XYLT2: variants seen among roughly 807,000 people sequenced by gnomAD.
XYLT2 encodes xylosyltransferase 2.
XYLT2 carries 37 observed loss-of-function variants against 82.6 expected under a neutral mutation model. The ratio of observed to expected loss-of-function variants is 0.45; its 90% CI spans 0.34 to 0.59. XYLT2 has a LOEUF of 0.59. XYLT2 is among the 20% of genes least tolerant of loss of function. XYLT2 has a pLI of 0.01. For synonymous variants in XYLT2, 474 were observed against 499.0 expected (o/e 0.95, Z 0.67); for missense variants, 934 against 1,181.3 (o/e 0.79, Z 3.07).
intron 8 of XYLT2, 69 bp from the exon 9 acceptor site, chr17:50,356,988 C>A: frequency 6.6e-7 from 1 of 1,521,826 alleles, no homozygotes; most frequent in Non-Finnish European, 8.8e-7. Context: ...CCCAGAGCCC[C>A]CTCCCTGGGA....
Position 50,355,925 on chromosome 17 carries a change from T to C in XYLT2, c.1233T>C (p.Tyr411=). ...TGCTGACACGCAGCTTTGTGGAGTA[T>C]GTGGTGTACACAGATGACCCGCTTG... is the stretch of plus-strand genomic sequence containing the variant. ...WFVLTRSFVE[Y]VVYTDDPLVA... is the part of the protein sequence containing the mutation. The change falls in exon 6 of 11, where the codon TAT becomes TAC. Residue 411 remains tyrosine, a synonymous_variant. Coordinates refer to ENST00000017003, the MANE Select transcript of XYLT2 (RefSeq NM_022167.4). 1 of 1,614,240 alleles carries C rather than the reference T, an allele frequency of 6.2e-7. No homozygotes were observed. The highest frequency in any genetic ancestry group is 8.5e-7 in the Non-Finnish European group (1 of 1,180,034).
intron 10 of XYLT2, chr17:50,358,857 T>A: frequency 3.8e-6 from 1 of 261,546 alleles, no homozygotes; most frequent in Non-Finnish European, 7.4e-6. Context: ...AGTACACCTA[T>A]CAGGGACCTC....
Position 50,354,951 on chromosome 17 carries a change from C to A in XYLT2, c.902C>A (p.Ala301Asp). Residue 301 changes from alanine to aspartate, a missense_variant, in exon 4 of 11, where the codon GCC becomes GAC. Physicochemically the swap from Ala to Asp is moderately radical, Grantham distance 126. Around this residue, in one of 3 missense-constraint regions of XYLT2, gnomAD observed 189 missense variants for 320.8 expected, o/e 0.59. Coordinates refer to ENST00000017003, the MANE Select transcript of XYLT2 (RefSeq NM_022167.4). ...PWRMVTIWGG[A>D]SLLRMYLRSM... ...CGCATGGTTACCATCTGGGGCGGGG[C>A]CAGCCTCCTGAGGATGTACCTGCGG... 1 of 1,591,064 alleles carries A rather than the reference C, an allele frequency of 6.3e-7. No homozygotes were observed. The highest frequency in any genetic ancestry group is 8.6e-7 in the Non-Finnish European group (1 of 1,168,302).
At chr17:50,350,982 G>C (rs1264367178) in intron 1 of XYLT2, among the ~76,000 whole-genome samples, 1 of 152,128 alleles carries the variant, frequency 6.6e-6, no homozygotes, top group Non-Finnish European at 1.5e-5. Flanking sequence ...AGGAGAGTGA[G>C]CATGACAAAT....
intron 3 of XYLT2, 86 bp from the exon 4 acceptor site, chr17:50,354,768 C>A: frequency 6.3e-7 from 1 of 1,582,174 alleles, no homozygotes; most frequent in Non-Finnish European, 8.6e-7. Context: ...GTGCTTTCCT[C>A]GTCTTGTGTC....
chr17:50,359,885 G>T, intron 10 of XYLT2, 84 bp from the exon 11 acceptor site: 1 of 1,249,592 alleles, frequency 8.0e-7, no homozygotes. Flanking sequence ...GACAGGAACT[G>T]GGGTACCCAG....
Position 50,346,162 on chromosome 17 carries a change from C to G in XYLT2, c.22C>G (p.Gln8Glu). Residue 8 changes from glutamine (Q) to glutamate (E), a missense_variant, in exon 1 of 11, where the codon CAG becomes GAG. Physicochemically the swap from Gln to Glu is conservative, Grantham distance 29. Transcript: ENST00000017003. This position sits in a 1 kb window ranked among gnomAD's most constrained non-coding sequence, Gnocchi z 5.1. ...GAAGATGGTGGCGAGCGCGCGAGTG[C>G]AGAAGCTGGTGCGGCGCTACAAGCT... is the stretch of plus-strand genomic sequence containing the variant. MVASARV[Q>E]KLVRRYKLAI... The G allele has an allele frequency of 7.8e-7, 1 of 1,280,836 alleles. No homozygotes were observed. The highest frequency in any genetic ancestry group is 1.5e-5 in the South Asian group (1 of 67,078). The allele number at this position is 1,280,836 out of a possible 1,614,324, so 79.3% of individuals were successfully genotyped here.
At chr17:50,352,427 C>T (rs748512451) in intron 1 of XYLT2, among the ~76,000 whole-genome samples, 2 of 152,228 alleles carry the variant, frequency 1.3e-5, no homozygotes, top group Admixed American at 1.3e-4. Flanking sequence ...GCTGACATGT[C>T]TCTCATCAAG....
Position 50,352,759 on chromosome 17 carries a change from A to G in XYLT2, c.136-871A>G, listed in dbSNP as rs571312078. ...CCCTTCAAGGAAGAACCTGCTGCACATGCAGCGAGGTGACAGCCTCCAGCT... is the reference window on the plus strand; with the variant it reads ...CCCTTCAAGGAAGAACCTGCTGCACGTGCAGCGAGGTGACAGCCTCCAGCT... On this transcript the variant is annotated intron_variant, in intron 1 of 10. Coordinates refer to ENST00000017003, the MANE Select transcript of XYLT2 (RefSeq NM_022167.4). Among the ~76,000 whole-genome samples, 4 of 152,340 alleles carry G rather than the reference A, an allele frequency of 2.6e-5. No individual in the cohort carries two copies. In the East Asian group the frequency reaches 7.7e-4, roughly 29 times the overall value.
In XYLT2 at chr17:50,357,246, T is replaced by G; in HGVS notation, c.1935T>G (p.Ser645Arg). 6.3e-7 allele frequency: 1 copy of G among 1,588,738 alleles called. No individual in the cohort carries two copies. Among genetic ancestry groups the G allele is most frequent in the Non-Finnish European group, 8.5e-7 (1 of 1,169,980 alleles). The change falls in exon 9 of 11, where the codon AGT becomes AGG. Residue 645 changes from serine to arginine, a missense_variant. Transcript: ENST00000017003. ...GTGACCAGGCCAGCCGGCTCCAGAGTCTGGAGGTGGGACAGGTCCCCCACT... is the reference window on the plus strand; with the variant it reads ...GTGACCAGGCCAGCCGGCTCCAGAGGCTGGAGGTGGGACAGGTCCCCCACT... ...GRSDQASRLQ[S>R]LEVGTDWDPK...
intron 1 of XYLT2, among the ~76,000 whole-genome samples, chr17:50,347,237 C>T (rs996009371): frequency 3.3e-5 from 5 of 152,228 alleles, no homozygotes; most frequent in Non-Finnish European, 4.4e-5. Context: ...CTGCCCCCAG[C>T]GCCCCTGTTC....
chr17:50,356,467 G>A (rs1468785342), intron 7 of XYLT2, 44 bp from the exon 8 acceptor site: 3 of 1,602,032 alleles, frequency 1.9e-6, no homozygotes, highest in Non-Finnish European at 2.6e-6. Context: ...CATGCCCTCT[G>A]GGGCTTCCAG....
At position 50,357,720 on chromosome 17, in the gene XYLT2, C is replaced by T. The variant is rs571470617; in HGVS notation, c.1941+468C>T. On this transcript the variant is annotated intron_variant, in intron 9 of 10. Transcript: ENST00000017003. ...CCTCCCGCGTAGCTGGGACTACAGG[C>T]GCGCGCCACCACGCCCAGCTAATTT... 193 of 164,158 alleles carry T rather than the reference C, an allele frequency of 1.2e-3. 2 individuals are homozygous for T. The highest frequency in any genetic ancestry group is 4.3e-3 in the African/African-American group (181 of 41,842). The allele number at this position is 164,158 out of a possible 1,614,324, so 10.2% of individuals were successfully genotyped here. A position where few individuals can be genotyped will look rare whatever the true frequency, so the allele number is the denominator to read the frequency against.
Position 50,358,359 on chromosome 17 carries a change from C to A in XYLT2, c.2094C>A (p.Ala698=). The change falls in exon 10 of 11, where the codon GCC becomes GCA. Residue 698 remains alanine, a synonymous_variant. Coordinates refer to ENST00000017003, the MANE Select transcript of XYLT2 (RefSeq NM_022167.4). ...GGATCGACCCAACCTATGTGGTGGC[C>A]ACATCTTATGACATCACAGTAGATA... ...VVWIDPTYVV[A]TSYDITVDTE... is the part of the protein sequence containing the mutation. 6.2e-7 allele frequency: 1 copy of A among 1,614,086 alleles called. No individual in the cohort carries two copies. Among genetic ancestry groups the A allele is most frequent in the East Asian group, 2.2e-5 (1 of 44,882 alleles).
chr17:50,349,121 A>G (rs1053848593), intron 1 of XYLT2, among the ~76,000 whole-genome samples: 1 of 152,122 alleles, frequency 6.6e-6, no homozygotes, highest in African/African-American at 2.4e-5. Context: ...GGCCCCCACC[A>G]CAGCCAACCT....
intron 5 of XYLT2, 84 bp downstream of exon 5, chr17:50,355,665 G>A: frequency 6.3e-7 from 1 of 1,591,762 alleles, no homozygotes; most frequent in Non-Finnish European, 8.6e-7. Context: ...CTCCAGCCCT[G>A]GGTTTCAAAG....
At position 50,346,371 on chromosome 17, in the gene XYLT2, G is replaced by A. The variant is rs1912039734; in HGVS notation, c.135+96G>A. On this transcript the variant is annotated intron_variant, in intron 1 of 10. Transcript: ENST00000017003. The surrounding 1 kb of genome is among the most constrained non-coding windows in gnomAD (Gnocchi z 5.1). ...GGCCCCAGCCGGGGAAGTGGGGCAC[G>A]GGCCGCGTGCGTGCGTGCGGGGCGC... The A allele has an allele frequency of 1.0e-6, 1 of 985,690 alleles. No homozygotes were observed. Among genetic ancestry groups the A allele is most frequent in the Non-Finnish European group, 1.2e-6 (1 of 829,660 alleles). 61.1% of individuals were successfully genotyped at this position (985,690 alleles called of 1,614,324 possible).
intron 6 of XYLT2, 27 bp from the exon 7 acceptor site, chr17:50,356,058 C>T: frequency 6.2e-7 from 1 of 1,614,118 alleles, no homozygotes; most frequent in Non-Finnish European, 8.5e-7. Context: ...CTGCAGCTCA[C>T]CTTCCACTCT....
chr17:50,356,310 T>A, intron 7 of XYLT2, 49 bp downstream of exon 7: 1 of 1,592,864 alleles, frequency 6.3e-7, no homozygotes, highest in Non-Finnish European at 8.6e-7. Context: ...CTCCCCTGGC[T>A]TTTCACCAGG....
Sources: allele counts gnomAD v4.1 joint callset (sites outside exome capture counted in the v4.1 genomes callset), GRCh38; gene constraint gnomAD v4.1.1; regional missense constraint gnomAD v4.1.1; non-coding constraint Gnocchi (gnomAD v3.1); transcripts MANE v1.5; gene names NCBI Gene and HGNC (gene_info 2026-07-23, HGNC 2026-07-21).